Variants in NOS2 observed in about 807,000 individuals in gnomAD.
The protein encoded by NOS2 is nitric oxide synthase, inducible.
A neutral mutation model predicts 136.0 loss-of-function variants in NOS2; 96 were observed. That is an observed-to-expected ratio of 0.71 (90% CI 0.60 to 0.84). The LOEUF (loss-of-function observed/expected upper bound fraction) is 0.84, where lower values mean the gene tolerates loss of function less well. Ranked by LOEUF, NOS2 falls within the 40% of genes least tolerant of loss-of-function variation. NOS2 has a pLI of 0.00. For synonymous variants in NOS2, 539 were observed against 587.5 expected (o/e 0.92, Z 1.20); for missense variants, 1,237 against 1,496.9 (o/e 0.83, Z 2.87).
chr17:27,771,445 G>A (rs1405299744), intron 14 of NOS2, among the ~76,000 whole-genome samples: 1 of 152,242 alleles, frequency 6.6e-6, no homozygotes, highest in African/African-American at 2.4e-5. Flanking sequence ...CCACCCAGCG[G>A]AGGATGGGGG....
At position 27,774,428 on chromosome 17, in the gene NOS2, G is replaced by A. The variant is rs1458349457; in HGVS notation, c.1305C>T (p.Asp435=). The part of the protein sequence containing the change: ...SFQKQNVTIM[D]HHSAAESFMK... ...TGAAGGATTCTGCAGCCGAGTGGTG[G>A]TCCATGATGGTCACATTCTGCTTCT... Residue 435 remains aspartate (D), a synonymous_variant, in exon 12 of 27, where the codon GAC becomes GAT. Transcript: ENST00000313735. 1 of 1,502,834 alleles carries A rather than the reference G, an allele frequency of 6.7e-7. No individual in the cohort carries two copies. The highest frequency in any genetic ancestry group is 8.9e-7 in the Non-Finnish European group (1 of 1,122,006). 93.1% of individuals were successfully genotyped at this position (1,502,834 alleles called of 1,614,324 possible). A position where few individuals can be genotyped will look rare whatever the true frequency, so the allele number is the denominator to read the frequency against.
At chr17:27,773,442 G>A (rs1424745070) in intron 12 of NOS2, among the ~76,000 whole-genome samples, 199 bp from the exon 13 acceptor site, 3 of 152,184 alleles carry the variant, frequency 2.0e-5, no homozygotes, top group Non-Finnish European at 2.9e-5. Context: ...TCCACTGCCC[G>A]GCATGGAGCC....
intron 6 of NOS2, 141 bp downstream of exon 6, chr17:27,782,803 A>T (rs1908893594): frequency 2.5e-6 from 2 of 790,352 alleles, no homozygotes; most frequent in Non-Finnish European, 3.9e-6. Context: ...CCATCTCAAC[A>T]TTTGGGAATG....
intron 4 of NOS2, among the ~76,000 whole-genome samples, chr17:27,788,196 GCACACACACA>G (rs59431357): frequency 6.7e-6 from 1 of 149,646 alleles, no homozygotes; most frequent in East Asian, 2.0e-4. Flanking sequence ...GCACACGCGT[GCACACACACA>G]CACACACACA....
intron 11 of NOS2, among the ~76,000 whole-genome samples, chr17:27,777,794 C>CAG (rs974140384): frequency 1.3e-5 from 2 of 152,134 alleles, no homozygotes; most frequent in Non-Finnish European, 2.9e-5. Context: ...CCTATAATCC[C>CAG]AGCGCTTTGG....
Position 27,762,960 on chromosome 17 carries a change from G to A in NOS2, c.2638C>T (p.Leu880=), listed in dbSNP as rs1185809043. 1.2e-6 allele frequency: 2 copies of A among 1,606,252 alleles called. No homozygotes were observed. Among genetic ancestry groups the A allele is most frequent in the Non-Finnish European group, 1.7e-6 (2 of 1,177,060 alleles). The part of the protein sequence containing the change: ...KWKFTNSPTF[L]EVLEEFPSLR... ...GACGGGAACTCCTCTAGCACCTCCA[G>A]GAATGTGGGGCTGTTGGTGAACTTC... Residue 880 remains leucine (L), a synonymous_variant, in exon 22 of 27, where the codon CTG becomes TTG. Transcript: ENST00000313735.
At position 27,762,906 on chromosome 17, in the gene NOS2, A is replaced by G; in HGVS notation, c.2692T>C (p.Ser898Pro). ...CTGGGCTTCAGAATGGGGAGCTGGG[A>G]AAGCAGGAAGCCAGCAGACACCCGC... ...SLRVSAGFLLSQLPILKPRFY... is the reference protein window; with the variant it reads ...SLRVSAGFLLPQLPILKPRFY... Residue 898 changes from serine to proline, a missense_variant, in exon 22 of 27, where the codon TCC (serine) becomes CCC (proline). Physicochemically the swap from Ser to Pro is moderately conservative, Grantham distance 74. Around this residue, in one of 3 missense-constraint regions of NOS2, gnomAD observed 782 missense variants for 909.9 expected, o/e 0.86. Transcript: ENST00000313735. 1 of 1,602,362 alleles carries G rather than the reference A, an allele frequency of 6.2e-7. No individual in the cohort carries two copies. The highest frequency in any genetic ancestry group is 8.5e-7 in the Non-Finnish European group (1 of 1,175,508).
chr17:27,760,074 G>A lies in NOS2; in HGVS notation c.3115C>T (p.His1039Tyr), dbSNP rs201643030. Residue 1039 changes from histidine to tyrosine, a missense_variant, in exon 25 of 27, where the codon CAT becomes TAT. Physicochemically the swap from His to Tyr is moderately conservative, Grantham distance 83. Transcript: ENST00000313735. The part of the protein sequence containing the change: ...MLEMAQKGVL[H>Y]AVHTAYSRLP... ...CGGGAATAGGCTGTGTGCACCGCATGCAGCACCCCCTTCTGGGCCATCTCC... is the reference window on the plus strand; with the variant it reads ...CGGGAATAGGCTGTGTGCACCGCATACAGCACCCCCTTCTGGGCCATCTCC... 1.3e-6 allele frequency: 2 copies of A among 1,598,188 alleles called. No homozygotes were observed. Among genetic ancestry groups the A allele is most frequent in the East Asian group, 4.6e-5 (2 of 43,842 alleles).
At chr17:27,795,386 T>C (rs187164149) in intron 2 of NOS2, among the ~76,000 whole-genome samples, 2 of 152,382 alleles carry the variant, frequency 1.3e-5, no homozygotes, top group Non-Finnish European at 2.9e-5. Flanking sequence ...TGTCTCATTA[T>C]TGACACAGTA....
In NOS2 at chr17:27,782,078, G is replaced by A; in HGVS notation, c.659C>T (p.Ala220Val). The A allele has an allele frequency of 6.2e-7, 1 of 1,614,142 alleles. No homozygotes were observed. Among genetic ancestry groups the A allele is most frequent in the Non-Finnish European group, 8.5e-7 (1 of 1,180,034 alleles). ...QVFDARSCST[A>V]REMFEHICRH... ...GCAGATGTGTTCAAACATTTCCCGGGCAGTGGAACAGCTGCGGGCATCGAA... is the reference window on the plus strand; with the variant it reads ...GCAGATGTGTTCAAACATTTCCCGGACAGTGGAACAGCTGCGGGCATCGAA... The change falls in exon 7 of 27, where the codon GCC becomes GTC. Residue 220 changes from alanine (A) to valine (V), a missense_variant. Coordinates refer to ENST00000313735, the MANE Select transcript of NOS2 (RefSeq NM_000625.4).
intron 20 of NOS2, 120 bp downstream of exon 20, chr17:27,765,415 C>T (rs568008059): frequency 1.1e-6 from 1 of 910,640 alleles, no homozygotes; most frequent in South Asian, 1.8e-5. Context: ...CTTTGGTGGC[C>T]CGCCCTCTCA....
intron 22 of NOS2, among the ~76,000 whole-genome samples, 196 bp downstream of exon 22, chr17:27,762,602 T>C (rs1456501378): frequency 2.0e-5 from 3 of 152,196 alleles, no homozygotes; most frequent in Non-Finnish European, 4.4e-5. Context: ...TAACTGATCA[T>C]ATACATACAG....
In NOS2 at chr17:27,765,040, G is replaced by A. The variant is rs556498829; in HGVS notation, c.2428+495C>T. The stretch of plus-strand genomic sequence containing the variant: ...GTCACCCAGGCTGGAGTGTAGTGGC[G>A]AGATCTCATATCACTGCAACCTCCA... On this transcript the variant is annotated intron_variant, in intron 20 of 26. Coordinates refer to ENST00000313735, the MANE Select transcript of NOS2 (RefSeq NM_000625.4). Among the ~76,000 whole-genome samples, 3 of 152,256 alleles carry A rather than the reference G, an allele frequency of 2.0e-5. No homozygotes were observed. The East Asian group carries it at 5.8e-4, about 29-fold the overall frequency.
chr17:27,759,924 G>C, intron 25 of NOS2, 106 bp downstream of exon 25: 3 of 1,113,970 alleles, frequency 2.7e-6, no homozygotes, highest in Non-Finnish European at 3.7e-6. Flanking sequence ...CAGCATTTTC[G>C]AGCTCAGGAG....
Position 27,763,993 on chromosome 17 carries a change from C to T in NOS2, c.2580G>A (p.Glu860=). 6.2e-7 allele frequency: 1 copy of T among 1,613,294 alleles called. No individual in the cohort carries two copies. The highest frequency in any genetic ancestry group is 8.5e-7 in the Non-Finnish European group (1 of 1,179,640). ...ATEEPERQRL[E]ALCQPSEYSK... ...CCCTGATCTTCACCTGGCACAGGGC[C>T]TCCAGCCTCTGTCTCTCAGGCTCTT... The change falls in exon 21 of 27, where the codon GAG becomes GAA. Residue 860 remains glutamate (E), a synonymous_variant. Transcript: ENST00000313735.
intron 17 of NOS2, 128 bp from the exon 18 acceptor site, chr17:27,767,965 G>T (rs1014352742): frequency 1.8e-5 from 21 of 1,188,002 alleles, no homozygotes; most frequent in African/African-American, 3.0e-5. Context: ...TAACTTCGAA[G>T]CACACTTACC....
At chr17:27,786,816 C>G (rs1173797004) in intron 5 of NOS2, among the ~76,000 whole-genome samples, 1 of 152,114 alleles carries the variant, frequency 6.6e-6, no homozygotes. Context: ...AGGATTTGAA[C>G]CTGGGAAGGC....
chr17:27,790,855 T>A (rs1260098080), intron 2 of NOS2, among the ~76,000 whole-genome samples: 4 of 152,330 alleles, frequency 2.6e-5, no homozygotes, highest in African/African-American at 7.2e-5. Flanking sequence ...CACACATGCC[T>A]CCCCTAGGAA....
intron 2 of NOS2, 141 bp downstream of exon 2, chr17:27,798,559 A>G (rs1010143005): frequency 1.1e-5 from 7 of 646,800 alleles, no homozygotes; most frequent in South Asian, 5.6e-5. Flanking sequence ...TTGAATTCCA[A>G]CAGGGACTTT....
Sources: allele counts gnomAD v4.1 joint callset (sites outside exome capture counted in the v4.1 genomes callset), GRCh38; gene constraint gnomAD v4.1.1; regional missense constraint gnomAD v4.1.1; transcripts MANE v1.5; gene names NCBI Gene and HGNC (gene_info 2026-07-23, HGNC 2026-07-21).